The following RASSF5 variants were observed in gnomAD, a reference collection of about 807,000 sequenced individuals.
RASSF5 encodes Ras association domain family member 5.
In RASSF5, 25 loss-of-function variants were observed where a neutral mutation model predicts 40.5. The observed-to-expected ratio is 0.62, with a 90% confidence interval of 0.45 to 0.86. The LOEUF (loss-of-function observed/expected upper bound fraction) is 0.86. RASSF5 is among the 40% of genes least tolerant of loss of function. RASSF5 has a pLI of 0.00. For synonymous variants in RASSF5, 246 were observed against 252.4 expected, an observed-to-expected ratio of 0.97 and a Z score of 0.24; for missense variants, 521 against 572.8, an observed-to-expected ratio of 0.91 and a Z score of 0.92.
Position 206,507,966 on chromosome 1 carries a change from G to GGGCACTGCTTCGCCGAGT in RASSF5, c.365_382dup (p.Glu127_Leu128insTrpHisCysPheAlaGlu). ...CAGAGTCCCGGCGGAGCGAGGCGAG[G>GGGCACTGCTTCGCCGAGT]GGCACTGCTTCGCCGAGTTGGTGCT... On this transcript the variant is annotated inframe_insertion, in exon 1 of 6. Transcript: ENST00000579436. 1 of 1,537,014 alleles carries GGGCACTGCTTCGCCGAGT rather than the reference G, an allele frequency of 6.5e-7. No homozygotes were observed. Among genetic ancestry groups the GGGCACTGCTTCGCCGAGT allele is most frequent in the South Asian group, 1.2e-5 (1 of 82,984 alleles).
At chr1:206,522,988 A>G (rs1368202402) in intron 1 of RASSF5, among the ~76,000 whole-genome samples, 3 of 152,124 alleles carry the variant, frequency 2.0e-5, no homozygotes, top group Non-Finnish European at 4.4e-5. Context: ...AAAACAATAG[A>G]AATGTTATAA....
At chr1:206,585,976 A>G (rs1372954148) in intron 5 of RASSF5, 1 of 152,272 alleles carries the variant, frequency 6.6e-6, no homozygotes, top group African/African-American at 2.4e-5. Context: ...TCTGTGCAGA[A>G]TATGTTTGGA....
At chr1:206,585,397 A>C in intron 5 of RASSF5, 102 bp downstream of exon 5, 1 of 824,612 alleles carries the variant, frequency 1.2e-6, no homozygotes, top group Non-Finnish European at 2.1e-6. Context: ...GCCACGCAGC[A>C]CGGGCAGGAA....
intron 2 of RASSF5, among the ~76,000 whole-genome samples, chr1:206,559,872 G>A (rs1668088004): frequency 6.6e-6 from 1 of 152,202 alleles, no homozygotes; most frequent in African/African-American, 2.4e-5. Flanking sequence ...GCAAGTGCAG[G>A]GGTGGACTGA....
At chr1:206,574,397 C>T (rs1324530757) in intron 2 of RASSF5, among the ~76,000 whole-genome samples, 1 of 152,238 alleles carries the variant, frequency 6.6e-6, no homozygotes, top group Non-Finnish European at 1.5e-5. Context: ...AGGTGCCTTT[C>T]ACGATCCTCA....
At position 206,510,785 on chromosome 1, in the gene RASSF5, C is replaced by A. The variant is rs369362840; in HGVS notation, c.457+2726C>A. On this transcript the variant is annotated intron_variant, in intron 1 of 5. Coordinates refer to ENST00000579436, the MANE Select transcript of RASSF5 (RefSeq NM_182663.4). ...TGGCTCCTTGTCTTTGTGTTTCTTG[C>A]ACCCAGCAGAGTGCCAGGCCCAGAG... Among the ~76,000 whole-genome samples the A allele has an allele frequency of 3.9e-4, 59 of 152,300 alleles. 1 individual carries two copies. The South Asian group carries it at 0.012, about 31-fold the overall frequency.
chr1:206,523,990 T>C (rs1667013672), intron 1 of RASSF5, among the ~76,000 whole-genome samples: 1 of 120,608 alleles, frequency 8.3e-6, no homozygotes, highest in South Asian at 2.3e-4. Context: ...ATATAATATG[T>C]ATATCATATA....
intron 1 of RASSF5, among the ~76,000 whole-genome samples, chr1:206,508,741 C>T (rs1666534693): frequency 6.6e-6 from 1 of 152,072 alleles, no homozygotes; most frequent in Non-Finnish European, 1.5e-5. Context: ...CCTTCCTCCT[C>T]CTGGGTTCCT....
At chr1:206,564,819 C>T (rs1271465806) in intron 2 of RASSF5, among the ~76,000 whole-genome samples, 1 of 152,144 alleles carries the variant, frequency 6.6e-6, no homozygotes. Flanking sequence ...AGATAAAGTG[C>T]CACGAATCAG....
intron 1 of RASSF5, among the ~76,000 whole-genome samples, chr1:206,534,350 G>C (rs782101144): frequency 5.0e-4 from 76 of 152,174 alleles, no homozygotes; most frequent in Non-Finnish European, 6.0e-4. Context: ...TCATTGGAAG[G>C]AAAGGCTACA....
intron 1 of RASSF5, among the ~76,000 whole-genome samples, chr1:206,508,540 G>T (rs1666529204): frequency 6.6e-6 from 1 of 152,164 alleles, no homozygotes; most frequent in South Asian, 2.1e-4. Context: ...CCATGGTACA[G>T]GCTCAGACCT....
chr1:206,574,363 A>T (rs1668556972), intron 2 of RASSF5, among the ~76,000 whole-genome samples: 1 of 152,226 alleles, frequency 6.6e-6, no homozygotes, highest in Non-Finnish European at 1.5e-5. Context: ...GGACAGGGTC[A>T]CATCCCATCT....
intron 1 of RASSF5, among the ~76,000 whole-genome samples, chr1:206,508,813 C>T (rs370085241): frequency 6.6e-6 from 1 of 152,216 alleles, no homozygotes. Context: ...TCTCCACAGC[C>T]CTCAGGCCCC....
intron 2 of RASSF5, among the ~76,000 whole-genome samples, chr1:206,570,692 G>A (rs968700269): frequency 6.6e-6 from 1 of 151,828 alleles, no homozygotes. Flanking sequence ...TTAGCTTAAT[G>A]TTTTCAAGGT....
At chr1:206,538,345 C>G in intron 2 of RASSF5, 52 bp downstream of exon 2, 1 of 1,603,118 alleles carries the variant, frequency 6.2e-7, no homozygotes. Flanking sequence ...GCAGGTGCCC[C>G]GGGCTCCACT....
intron 2 of RASSF5, among the ~76,000 whole-genome samples, chr1:206,551,660 G>A (rs1667845462): frequency 6.6e-6 from 1 of 152,228 alleles, no homozygotes; most frequent in African/African-American, 2.4e-5. Flanking sequence ...CACAAGGAGG[G>A]ACAGAGCTCT....
chr1:206,553,775 G>T (rs1300027620), intron 2 of RASSF5, among the ~76,000 whole-genome samples: 4 of 152,178 alleles, frequency 2.6e-5, no homozygotes, highest in Admixed American at 6.5e-5. Flanking sequence ...GGAGAAAGTG[G>T]TTCCTAACTT....
rs370851361 is a variant in RASSF5, at chr1:206,516,832, C to A, written c.457+8773C>A. On this transcript the variant is annotated intron_variant, in intron 1 of 5. Transcript: ENST00000579436. ...GGGCGGGGATGGGAATGAGCCCTTG[C>A]CTGTGCTCAGCCAGGCAGGACTTCC... Among the ~76,000 whole-genome samples, 8 of 152,312 alleles carry A rather than the reference C, an allele frequency of 5.3e-5. 1 individual carries two copies. Among genetic ancestry groups the A allele is most frequent in the African/African-American group, 1.9e-4 (8 of 41,570 alleles).
At chr1:206,536,186 C>T (rs1054605210) in intron 1 of RASSF5, among the ~76,000 whole-genome samples, 6 of 152,132 alleles carry the variant, frequency 3.9e-5, no homozygotes, top group Non-Finnish European at 7.3e-5. Flanking sequence ...AGGTCTCCCA[C>T]GGAGGACCAG....
Sources: gnomAD v4.1 joint callset for allele counts (sites outside exome capture counted in the v4.1 genomes callset) on GRCh38, gnomAD v4.1.1 for gene constraint, MANE v1.5 for transcripts, NCBI Gene and HGNC (gene_info 2026-07-23, HGNC 2026-07-21) for gene names.